The following ANKS1B variants were observed in gnomAD, a reference collection of about 807,000 sequenced individuals.
ANKS1B encodes ankyrin repeat and sterile alpha motif domain containing 1B.
ANKS1B carries 36 observed loss-of-function variants against 148.3 expected under a neutral mutation model. That is an observed-to-expected ratio of 0.24 (90% CI 0.19 to 0.32). ANKS1B has a LOEUF of 0.32. Among genes scored for constraint, ANKS1B ranks in the 10% least tolerant of loss-of-function variants. ANKS1B has a pLI of 1.00. For synonymous variants in ANKS1B, 542 were observed against 560.8 expected (o/e 0.97, Z 0.47); for missense variants, 1,157 against 1,542.6 (o/e 0.75, Z 4.19).
chr12:99,293,612 G>A (rs994668435), intron 12 of ANKS1B, among the ~76,000 whole-genome samples: 6 of 152,022 alleles, frequency 3.9e-5, no homozygotes, highest in Non-Finnish European at 8.8e-5. Context: ...CATTGGACTG[G>A]GTAAAAGTTT....
chr12:99,361,250 C>A (rs2092435968), intron 12 of ANKS1B, among the ~76,000 whole-genome samples: 1 of 151,822 alleles, frequency 6.6e-6, no homozygotes, highest in East Asian at 1.9e-4. Flanking sequence ...TAATATATAC[C>A]TACTATGTAA....
chr12:99,876,781 T>C (rs1422690651), intron 1 of ANKS1B, among the ~76,000 whole-genome samples: 1 of 151,580 alleles, frequency 6.6e-6, no homozygotes, highest in Non-Finnish European at 1.5e-5. Flanking sequence ...AAGAACACTG[T>C]ATGTTTGGAA....
At chr12:99,368,757 A>T (rs1487405697) in intron 12 of ANKS1B, among the ~76,000 whole-genome samples, 2 of 152,162 alleles carry the variant, frequency 1.3e-5, no homozygotes, top group Non-Finnish European at 2.9e-5. Context: ...ATAGAGAGAC[A>T]CACGACTATC....
intron 12 of ANKS1B, among the ~76,000 whole-genome samples, chr12:99,280,385 T>C (rs1050281357): frequency 7.9e-5 from 12 of 152,206 alleles, no homozygotes; most frequent in Admixed American, 6.5e-5. Context: ...TCAACTGTCC[T>C]TTATAGGTAG....
chr12:99,771,731 C>T (rs1232142992), intron 8 of ANKS1B, among the ~76,000 whole-genome samples: 1 of 151,546 alleles, frequency 6.6e-6, no homozygotes, highest in East Asian at 1.9e-4. Flanking sequence ...TTTATTGGGG[C>T]CAATAATAGG....
intron 16 of ANKS1B, among the ~76,000 whole-genome samples, chr12:99,084,661 T>G (rs930148915): frequency 2.0e-5 from 3 of 152,176 alleles, no homozygotes; most frequent in African/African-American, 7.2e-5. Flanking sequence ...GAAGTTGCAG[T>G]GAGCCTAGAT....
At position 99,806,625 on chromosome 12, in the gene ANKS1B, C is replaced by A. The variant is rs1342660184; in HGVS notation, c.448G>T (p.Glu150Ter). ...HSEVVAVLLE[E>*]LTDPTIRNSK... ...TTTCTAATTGTCGGGTCAGTGAGCT[C>A]TTCTAGGAGAACAGCAACTACTTCT... Residue 150 changes from glutamate to a stop codon, truncating the protein, a stop_gained, in exon 4 of 27, where the codon GAG (glutamate) becomes TAG (stop). Coordinates refer to ENST00000683438, the MANE Select transcript of ANKS1B (RefSeq NM_001352186.2). LOFTEE classifies it high-confidence loss of function. 1 of 1,613,930 alleles carries A rather than the reference C, an allele frequency of 6.2e-7. No homozygotes were observed.
At chr12:99,613,203 ACGCTGG>A (rs1265168042) in intron 9 of ANKS1B, among the ~76,000 whole-genome samples, 1 of 152,112 alleles carries the variant, frequency 6.6e-6, no homozygotes, top group East Asian at 1.9e-4. Context: ...AAAATAACAG[ACGCTGG>A]CAAGGTTGTG....
intron 14 of ANKS1B, among the ~76,000 whole-genome samples, chr12:99,243,798 T>C (rs545526531): frequency 3.3e-4 from 50 of 152,132 alleles, no homozygotes; most frequent in Non-Finnish European, 5.9e-4. Context: ...ACACCACATG[T>C]TCTCACTCAT....
At chr12:99,721,952 C>A (rs1251195178) in intron 8 of ANKS1B, among the ~76,000 whole-genome samples, 1 of 152,208 alleles carries the variant, frequency 6.6e-6, no homozygotes, top group East Asian at 1.9e-4. Context: ...AGTTTTAGTG[C>A]TCTGGAAAGA....
At chr12:98,772,530 T>C (rs1874877) in intron 25 of ANKS1B, among the ~76,000 whole-genome samples, 101,611 of 152,108 alleles carry the variant, frequency 0.67, 34,450 homozygotes, top group East Asian at 0.77. Context: ...AGCAAAGCCA[T>C]GTCTTACATG....
intron 8 of ANKS1B, among the ~76,000 whole-genome samples, chr12:99,709,341 CTG>C (rs2056301197): frequency 6.6e-6 from 1 of 152,254 alleles, no homozygotes; most frequent in African/African-American, 2.4e-5. Flanking sequence ...TCAAAAGACT[CTG>C]AGCAGATTTT....
chr12:99,016,724 C>T (rs1034558874), intron 17 of ANKS1B, among the ~76,000 whole-genome samples: 4 of 152,080 alleles, frequency 2.6e-5, no homozygotes, highest in African/African-American at 9.7e-5. Flanking sequence ...AAACCATACT[C>T]GAAGCCTCTC....
intron 1 of ANKS1B, among the ~76,000 whole-genome samples, chr12:99,971,181 G>GA (rs1288869537): frequency 6.6e-6 from 1 of 152,068 alleles, no homozygotes; most frequent in African/African-American, 2.4e-5. Context: ...ACAAACCCAT[G>GA]AAAAATTTTT....
intron 12 of ANKS1B, among the ~76,000 whole-genome samples, chr12:99,340,665 A>G (rs1299481813): frequency 6.6e-6 from 1 of 152,084 alleles, no homozygotes; most frequent in Non-Finnish European, 1.5e-5. Context: ...GATATGCTCT[A>G]TTTTAACATT....
In ANKS1B at chr12:99,433,075, G is replaced by A. The variant is rs527364567; in HGVS notation, c.1575+10598C>T. The stretch of plus-strand genomic sequence containing the variant: ...TAACAAGATATGAAGCTTTTTCAAA[G>A]GTCTAGGCCAGAGATGTTAGTGGCT... On this transcript the variant is annotated intron_variant, in intron 11 of 26. Coordinates refer to ENST00000683438, the MANE Select transcript of ANKS1B (RefSeq NM_001352186.2). 2.6e-5 allele frequency among the ~76,000 whole-genome samples: 4 copies of A among 152,250 alleles called. No individual in the cohort carries two copies. The South Asian group carries it at 8.3e-4, about 32-fold the overall frequency.
At chr12:98,782,969 C>T (rs557819034) in intron 22 of ANKS1B, among the ~76,000 whole-genome samples, 5 of 151,426 alleles carry the variant, frequency 3.3e-5, no homozygotes, top group East Asian at 3.9e-4. Context: ...TTTAAGGCAA[C>T]GCGGTGGCTG....
At chr12:99,672,554 G>A (rs1297392208) in intron 8 of ANKS1B, among the ~76,000 whole-genome samples, 1 of 152,066 alleles carries the variant, frequency 6.6e-6, no homozygotes, top group South Asian at 2.1e-4. Context: ...TTGAAGAAGT[G>A]CAGCTACCTC....
chr12:98,849,795 G>C (rs1463137354), intron 17 of ANKS1B, among the ~76,000 whole-genome samples: 1 of 151,986 alleles, frequency 6.6e-6, no homozygotes, highest in Non-Finnish European at 1.5e-5. Context: ...ATTTTTGCAG[G>C]GAGAAAGATT....
Sources: allele counts gnomAD v4.1 joint callset (sites outside exome capture counted in the v4.1 genomes callset), GRCh38; gene constraint gnomAD v4.1.1; transcripts MANE v1.5; gene names NCBI Gene and HGNC (gene_info 2026-07-23, HGNC 2026-07-21).